The following CNTNAP5 variants were observed in gnomAD, a reference collection of about 807,000 sequenced individuals.
CNTNAP5 encodes contactin associated protein family member 5.
CNTNAP5 carries 72 observed loss-of-function variants against 150.2 expected under a neutral mutation model. The ratio of observed to expected loss-of-function variants is 0.48; its 90% CI spans 0.40 to 0.58. The LOEUF (loss-of-function observed/expected upper bound fraction) is 0.58. CNTNAP5 is among the 20% of genes least tolerant of loss of function. CNTNAP5 has a pLI of 0.00. For synonymous variants in CNTNAP5, 672 were observed against 619.8 expected, an observed-to-expected ratio of 1.08 and a Z score of -1.25; for missense variants, 1,636 against 1,626.2, an observed-to-expected ratio of 1.01 and a Z score of -0.10.
At chr2:124,092,382 C>A (rs1573747834) in intron 1 of CNTNAP5, among the ~76,000 whole-genome samples, 1 of 152,200 alleles carries the variant, frequency 6.6e-6, no homozygotes, top group Non-Finnish European at 1.5e-5. Context: ...ACTGTTGTTG[C>A]TGCTGCTTTT....
rs1573711464 is a variant in CNTNAP5 at position 124,916,855 on chromosome 2, A to T, written c.*2567A>T. ...ATAAGTAGTCTCAGGGCTAAAGCAG[A>T]ATTATTTTTACAGGGTTGAATTATT... is the stretch of plus-strand genomic sequence containing the variant. On this transcript the variant is annotated 3_prime_UTR_variant, in exon 24 of 24. Transcript: ENST00000682447. Among the ~76,000 whole-genome samples the T allele has an allele frequency of 6.6e-6, 1 of 152,060 alleles. No individual in the cohort carries two copies. The highest frequency in any genetic ancestry group is 6.6e-5 in the Admixed American group (1 of 15,246).
intron 3 of CNTNAP5, among the ~76,000 whole-genome samples, chr2:124,303,175 T>C (rs966255044): frequency 6.6e-6 from 1 of 152,122 alleles, no homozygotes; most frequent in Non-Finnish European, 1.5e-5. Context: ...TTTTTCATTT[T>C]TTCTAAGCCC....
chr2:124,409,728 C>A (rs560972924), intron 3 of CNTNAP5, among the ~76,000 whole-genome samples: 5 of 149,402 alleles, frequency 3.3e-5, no homozygotes, highest in Admixed American at 2.7e-4. Context: ...CTGAAGGAAG[C>A]GCTAAACATG....
At chr2:124,079,975 G>A (rs1221598876) in intron 1 of CNTNAP5, among the ~76,000 whole-genome samples, 3 of 152,188 alleles carry the variant, frequency 2.0e-5, no homozygotes, top group African/African-American at 7.2e-5. Flanking sequence ...AAGTTGAGAA[G>A]AGTGCCTAGC....
chr2:124,705,303 G>A (rs1679610791), intron 13 of CNTNAP5, among the ~76,000 whole-genome samples: 1 of 152,082 alleles, frequency 6.6e-6, no homozygotes, highest in African/African-American at 2.4e-5. Context: ...CGAGGCAGGG[G>A]GATCACCTGA....
At chr2:124,585,729 G>T (rs1696516743) in intron 11 of CNTNAP5, among the ~76,000 whole-genome samples, 1 of 117,430 alleles carries the variant, frequency 8.5e-6, no homozygotes, top group African/African-American at 3.3e-5. Context: ...TTGGGGTATT[G>T]GTTTCTGAGC....
At chr2:124,082,106 T>G (rs1460535623) in intron 1 of CNTNAP5, among the ~76,000 whole-genome samples, 1 of 151,950 alleles carries the variant, frequency 6.6e-6, no homozygotes. Context: ...TCCCAGCACT[T>G]TGGGAGGCCG....
intron 3 of CNTNAP5, among the ~76,000 whole-genome samples, chr2:124,291,608 A>G (rs1237468807): frequency 6.6e-6 from 1 of 152,032 alleles, no homozygotes; most frequent in Non-Finnish European, 1.5e-5. Context: ...TCAGACCTAC[A>G]ATTATTTCCT....
At chr2:124,371,712 T>C (rs906722215) in intron 3 of CNTNAP5, among the ~76,000 whole-genome samples, 1 of 151,570 alleles carries the variant, frequency 6.6e-6, no homozygotes, top group Non-Finnish European at 1.5e-5. Flanking sequence ...TATGGAAAGA[T>C]ACAGGAAATC....
chr2:124,889,542 C>T (rs947072547), intron 21 of CNTNAP5, among the ~76,000 whole-genome samples: 11 of 151,934 alleles, frequency 7.2e-5, no homozygotes, highest in African/African-American at 2.7e-4. Context: ...TAGCATTTTC[C>T]TTGTGTTTTC....
At chr2:124,220,383 A>G (rs1335536748) in intron 1 of CNTNAP5, among the ~76,000 whole-genome samples, 1 of 152,058 alleles carries the variant, frequency 6.6e-6, no homozygotes, top group Non-Finnish European at 1.5e-5. Flanking sequence ...CCTGCCTCCC[A>G]TTCTTTCCTT....
At chr2:124,845,498 A>G (rs192296379) in intron 19 of CNTNAP5, among the ~76,000 whole-genome samples, 4 of 148,728 alleles carry the variant, frequency 2.7e-5, no homozygotes, top group South Asian at 4.2e-4. Flanking sequence ...TAATGGCTTC[A>G]TAGAGTGATT....
chr2:124,611,437 C>G (rs962760311), intron 12 of CNTNAP5, among the ~76,000 whole-genome samples: 1 of 152,224 alleles, frequency 6.6e-6, no homozygotes, highest in Non-Finnish European at 1.5e-5. Flanking sequence ...CTTTCTTTAT[C>G]TCTCCAAAAT....
At chr2:124,267,904 G>A (rs905338132) in intron 3 of CNTNAP5, among the ~76,000 whole-genome samples, 4 of 152,124 alleles carry the variant, frequency 2.6e-5, no homozygotes, top group East Asian at 1.9e-4. Context: ...TGCAGCTTCC[G>A]AGGCTGACTC....
chr2:124,067,635 T>C (rs974367442), intron 1 of CNTNAP5, among the ~76,000 whole-genome samples: 1 of 152,316 alleles, frequency 6.6e-6, no homozygotes, highest in Non-Finnish European at 1.5e-5. Context: ...AACTTTTTTT[T>C]TGAAGGTTGG....
rs1326278187 is a variant in CNTNAP5, at chr2:124,557,889, T to C, written c.1650-5328T>C. Among the ~76,000 whole-genome samples the C allele has an allele frequency of 2.6e-5, 4 of 152,210 alleles. No homozygotes were observed. In the East Asian group the frequency reaches 7.7e-4, roughly 29 times the overall value. On this transcript the variant is annotated intron_variant, in intron 10 of 23. Transcript: ENST00000682447. ...GTGCAAGAACCCTGACAAGGTAGCA[T>C]TCTTGGTGTGCTTTAGGAACAACAA... is the stretch of plus-strand genomic sequence containing the variant.
chr2:124,364,876 C>A (rs1457826656), intron 3 of CNTNAP5, among the ~76,000 whole-genome samples: 2 of 145,200 alleles, frequency 1.4e-5, no homozygotes, highest in Non-Finnish European at 3.1e-5. Context: ...GTGTGCTTAT[C>A]TTCCTAGGGC....
intron 23 of CNTNAP5, among the ~76,000 whole-genome samples, chr2:124,912,470 G>T (rs929703897): frequency 6.6e-6 from 1 of 152,092 alleles, no homozygotes; most frequent in Non-Finnish European, 1.5e-5. Flanking sequence ...AGTGAAGTCT[G>T]TTCTGAGGGA....
At chr2:124,765,859 G>A (rs1272896129) in intron 16 of CNTNAP5, among the ~76,000 whole-genome samples, 1 of 151,990 alleles carries the variant, frequency 6.6e-6, no homozygotes, top group Non-Finnish European at 1.5e-5. Flanking sequence ...AGGAGGCTGA[G>A]GCAGGAGAAT....
Sources: gnomAD v4.1 joint callset for allele counts (sites outside exome capture counted in the v4.1 genomes callset) on GRCh38, gnomAD v4.1.1 for gene constraint, MANE v1.5 for transcripts, NCBI Gene and HGNC (gene_info 2026-07-23, HGNC 2026-07-21) for gene names.